The following PCDHA9 variants were observed in gnomAD, a reference collection of about 807,000 sequenced individuals.
The protein encoded by PCDHA9 is protocadherin alpha-9.
PCDHA9 carries 62 observed loss-of-function variants against 62.0 expected under a neutral mutation model. That is an observed-to-expected ratio of 1.00 (90% CI 0.81 to 1.23). PCDHA9 has a LOEUF of 1.23. Among genes scored for constraint, PCDHA9 ranks in the 50% most tolerant of loss-of-function variants. The pLI is 0.00. For missense variants in PCDHA9, 1,205 were observed against 1,249.8 expected, an observed-to-expected ratio of 0.96 and a Z score of 0.54; for synonymous variants, 557 against 567.6, an observed-to-expected ratio of 0.98 and a Z score of 0.27.
chr5:141,003,715 G>A (rs561348265), intron 3 of PCDHA9, among the ~76,000 whole-genome samples: 21 of 152,240 alleles, frequency 1.4e-4, no homozygotes, highest in African/African-American at 2.2e-4. Flanking sequence ...TGAAGATATC[G>A]GCTAATCCAA....
At chr5:140,982,186 C>G (rs547938149) in intron 2 of PCDHA9, among the ~76,000 whole-genome samples, 34 of 152,372 alleles carry the variant, frequency 2.2e-4, no homozygotes, top group African/African-American at 7.7e-4. Context: ...CTCTGATGGG[C>G]TTCCTGTTAG....
intron 1 of PCDHA9, among the ~76,000 whole-genome samples, chr5:140,900,334 G>A (rs552378783): frequency 4.2e-4 from 64 of 152,060 alleles, no homozygotes; most frequent in East Asian, 1.6e-3. Context: ...CTGGAGTACC[G>A]TGGCGCAATC....
intron 1 of PCDHA9, chr5:140,966,588 G>A: frequency 3.6e-6 from 2 of 558,362 alleles, no homozygotes; most frequent in Non-Finnish European, 5.7e-6. Flanking sequence ...GAGGACGGTG[G>A]GGCCAGGAGC....
At chr5:141,003,982 G>A (rs914206731) in intron 3 of PCDHA9, among the ~76,000 whole-genome samples, 25 of 152,152 alleles carry the variant, frequency 1.6e-4, no homozygotes, top group African/African-American at 5.6e-4. Flanking sequence ...GGGACTTGCC[G>A]GAGATCCTAG....
chr5:140,920,780 G>A lies in PCDHA9; in HGVS notation c.2395-58169G>A, dbSNP rs187594262. Among the ~76,000 whole-genome samples the A allele has an allele frequency of 7.9e-3, 1,202 of 151,454 alleles. 5 individuals carry two copies. Among genetic ancestry groups the A allele is most frequent in the African/African-American group, 0.019 (781 of 41,244 alleles). ...AATTGCTTACACCTGGGAGGTGGAG[G>A]TTGCAGGGAACCAAGATCACGCCAC... On this transcript the variant is annotated intron_variant, in intron 1 of 3. Transcript: ENST00000532602.
intron 1 of PCDHA9, among the ~76,000 whole-genome samples, chr5:140,872,788 G>A (rs1419437796): frequency 6.6e-6 from 1 of 152,076 alleles, no homozygotes. Context: ...ATATATGCTA[G>A]TTGGCATTCT....
Position 140,877,703 on chromosome 5 carries a change from C to T in PCDHA9, c.2394+26814C>T, listed in dbSNP as rs781946062. On this transcript the variant is annotated intron_variant, in intron 1 of 3. Coordinates refer to ENST00000532602, the MANE Select transcript of PCDHA9 (RefSeq NM_031857.2). ...AAGCCCACGCTGGTGTGCTCCAGCG[C>T]CGTGGGGAGTTGGTCTTACTCGCAG... 4 of 1,613,986 alleles carry T rather than the reference C, an allele frequency of 2.5e-6. No individual in the cohort carries two copies. In the East Asian group the frequency reaches 8.9e-5, roughly 36 times the overall value.
chr5:140,921,151 ATTT>A (rs11299094), intron 1 of PCDHA9, among the ~76,000 whole-genome samples: 3 of 151,512 alleles, frequency 2.0e-5, no homozygotes, highest in South Asian at 2.1e-4. Context: ...CAGCTAATGC[ATTT>A]TTTTTTTAAC....
chr5:140,969,630 A>G (rs1185557414), intron 1 of PCDHA9: 1 of 654,766 alleles, frequency 1.5e-6, no homozygotes, highest in Non-Finnish European at 2.5e-6. Flanking sequence ...GAAACAGGAC[A>G]GGCCTTGGAA....
chr5:140,879,844 C>CCCATCTCAG (rs1554171035), intron 1 of PCDHA9, among the ~76,000 whole-genome samples: 1 of 152,194 alleles, frequency 6.6e-6, no homozygotes, highest in Admixed American at 6.5e-5. Flanking sequence ...CTGTACCACT[C>CCCATCTCAG]CCATCTCAGC....
At chr5:140,915,368 T>G (rs1281630689) in intron 1 of PCDHA9, among the ~76,000 whole-genome samples, 1 of 152,216 alleles carries the variant, frequency 6.6e-6, no homozygotes, top group Non-Finnish European at 1.5e-5. Flanking sequence ...TACCAGTAAG[T>G]GTCTCGGCAT....
Position 140,875,940 on chromosome 5 carries a change from C to T in PCDHA9, c.2394+25051C>T, listed in dbSNP as rs782320801. ...TGGACTCTCATTTTCCTCTAGAGGG[C>T]GCTTCTGATGCGGATATCGGCGTAA... On this transcript the variant is annotated intron_variant, in intron 1 of 3. Transcript: ENST00000532602. 5.0e-6 allele frequency: 8 copies of T among 1,613,964 alleles called. No individual in the cohort carries two copies. In the South Asian group the frequency reaches 6.6e-5, roughly 13 times the overall value.
rs377370256 is a variant in PCDHA9 at position 140,966,811 on chromosome 5, G to A, written c.2395-12138G>A. On this transcript the variant is annotated intron_variant, in intron 1 of 3. Transcript: ENST00000532602. ...GACCTGCGGCGACAGAGCATCCACGGCTCCGGCGGCCCATGCCCTGGCTGC... is the reference window on the plus strand; with the variant it reads ...GACCTGCGGCGACAGAGCATCCACGACTCCGGCGGCCCATGCCCTGGCTGC... The A allele has an allele frequency of 1.4e-5, 21 of 1,549,722 alleles. No individual in the cohort carries two copies. The African/African-American group carries it at 2.6e-4, about 19-fold the overall frequency.
chr5:140,850,106 G>A lies in PCDHA9; in HGVS notation c.1611G>A (p.Ala537=), dbSNP rs2150467412. 3.5e-5 allele frequency: 56 copies of A among 1,596,106 alleles called. 1 individual carries two copies. Among genetic ancestry groups the A allele is most frequent in the African/African-American group, 4.0e-5 (3 of 74,354 alleles). ...ELELLQFQVS[A]RDAGVPPLGS... is the part of the protein sequence containing the mutation. ...AGCTGCTACAGTTCCAGGTGAGCGC[G>A]CGCGACGCGGGCGTGCCGCCTCTGG... is the stretch of plus-strand genomic sequence containing the variant. The change falls in exon 1 of 4, where the codon GCG becomes GCA. Residue 537 remains alanine, a synonymous_variant. Transcript: ENST00000532602.
At chr5:140,929,508 A>T in intron 1 of PCDHA9, 1 of 831,408 alleles carries the variant, frequency 1.2e-6, no homozygotes, top group Non-Finnish European at 1.7e-6. Context: ...CCTAGGCCTC[A>T]AGGGACTTAT....
intron 3 of PCDHA9, among the ~76,000 whole-genome samples, chr5:140,996,580 C>T (rs1351485354): frequency 6.6e-6 from 1 of 152,130 alleles, no homozygotes; most frequent in African/African-American, 2.4e-5. Context: ...AATTTGTTAA[C>T]AAGGGCCGCC....
At chr5:140,920,638 G>T (rs1245142321) in intron 1 of PCDHA9, among the ~76,000 whole-genome samples, 2 of 152,114 alleles carry the variant, frequency 1.3e-5, no homozygotes, top group African/African-American at 4.8e-5. Flanking sequence ...AAGGTCAAGA[G>T]ATTGAGACCA....
intron 1 of PCDHA9, among the ~76,000 whole-genome samples, chr5:140,897,463 T>C (rs573452029): frequency 6.6e-6 from 1 of 151,924 alleles, no homozygotes; most frequent in African/African-American, 2.4e-5. Flanking sequence ...CTTGCGATAG[T>C]TTACTGAGAA....
At chr5:140,984,052 A>G (rs2097083396) in intron 3 of PCDHA9, among the ~76,000 whole-genome samples, 2 of 152,204 alleles carry the variant, frequency 1.3e-5, no homozygotes, top group African/African-American at 4.8e-5. Context: ...TCATTGACAA[A>G]TCTGTACCCT....
Sources: allele counts gnomAD v4.1 joint callset (sites outside exome capture counted in the v4.1 genomes callset), GRCh38; gene constraint gnomAD v4.1.1; transcripts MANE v1.5; gene names NCBI Gene and HGNC (gene_info 2026-07-23, HGNC 2026-07-21).